Variants in FBXO47 observed in about 807,000 individuals in gnomAD.
FBXO47 encodes F-box protein 47.
Under a neutral mutation model 53.9 loss-of-function variants are expected in FBXO47, and 34 were observed. The observed-to-expected ratio is 0.63, with a 90% CI of 0.48 to 0.84. The LOEUF is 0.84. Ranked by LOEUF, FBXO47 falls within the 40% of genes least tolerant of loss-of-function variation. The probability of loss-of-function intolerance (pLI) is 0.00; values close to 1 mark genes in which losing one functional copy is unlikely to be tolerated. For missense variants in FBXO47, 485 were observed against 541.3 expected (o/e 0.90, Z 1.03); for synonymous variants, 165 against 181.6 (o/e 0.91, Z 0.73).
At chr17:38,955,958 CAAAAAAAAA>C (rs34218216) in intron 4 of FBXO47, among the ~76,000 whole-genome samples, 2 of 30,270 alleles carry the variant, frequency 6.6e-5, no homozygotes, top group African/African-American at 2.6e-4. Context: ...ACTCCATCTC[CAAAAAAAAA>C]AAAAAAAAAA....
In FBXO47 at chr17:38,939,224, C is replaced by T. The variant is rs553802055; in HGVS notation, c.1084-492G>A. Reference sequence around the variant, plus strand: ...AGGAGAATCACTTGAACTCAGGAGGCGGAGGATGCAGTGAGCGGAGATCAT... The same window carrying T: ...AGGAGAATCACTTGAACTCAGGAGGTGGAGGATGCAGTGAGCGGAGATCAT... On this transcript the variant is annotated intron_variant, in intron 9 of 10. Transcript: ENST00000378079. Among the ~76,000 whole-genome samples the T allele has an allele frequency of 2.5e-3, 315 of 128,328 alleles. 3 individuals carry two copies. Among genetic ancestry groups the T allele is most frequent in the African/African-American group, 9.1e-3 (305 of 33,430 alleles). 84.2% of individuals were successfully genotyped at this position (128,328 alleles called of 152,430 possible).
chr17:38,959,842 T>C (rs1417340203), intron 3 of FBXO47, among the ~76,000 whole-genome samples: 2 of 151,998 alleles, frequency 1.3e-5, no homozygotes, highest in Admixed American at 6.6e-5. Flanking sequence ...TTTCCTAAAA[T>C]GGCAATACAC....
At chr17:38,937,607 T>C (rs1915610467) in intron 10 of FBXO47, among the ~76,000 whole-genome samples, 1 of 152,096 alleles carries the variant, frequency 6.6e-6, no homozygotes, top group Non-Finnish European at 1.5e-5. Context: ...TCCACCCGCC[T>C]TATACGTATA....
At chr17:38,960,049 C>T (rs140922819) in intron 3 of FBXO47, among the ~76,000 whole-genome samples, 74 of 152,082 alleles carry the variant, frequency 4.9e-4, no homozygotes, top group Non-Finnish European at 8.4e-4. Flanking sequence ...TCAAGCGATC[C>T]TCCCACCTCA....
chr17:38,942,931 A>T lies in FBXO47; in HGVS notation c.941-11T>A. 6.3e-7 allele frequency: 1 copy of T among 1,595,742 alleles called. No homozygotes were observed. The highest frequency in any genetic ancestry group is 1.8e-5 in the Admixed American group (1 of 55,820). ...ACTCACGGGGAACCACTTTTATTAG[A>T]GGAAGAACAATTATTTAATGAGAAA... On this transcript the variant is annotated splice_polypyrimidine_tract_variant and intron_variant, in intron 8 of 10. Coordinates refer to ENST00000378079, the MANE Select transcript of FBXO47 (RefSeq NM_001008777.3).
At chr17:38,941,043 G>C (rs1186866178) in intron 9 of FBXO47, among the ~76,000 whole-genome samples, 2 of 151,696 alleles carry the variant, frequency 1.3e-5, no homozygotes, top group African/African-American at 4.9e-5. Context: ...AGAGTGCAGT[G>C]GTGCTATCTT....
intron 6 of FBXO47, among the ~76,000 whole-genome samples, chr17:38,946,909 T>G (rs1278081119): frequency 8.4e-6 from 1 of 119,094 alleles, no homozygotes; most frequent in Non-Finnish European, 1.6e-5. Context: ...TATATAAATA[T>G]ATATAAACAT....
At chr17:38,940,271 G>A (rs1048543394) in intron 9 of FBXO47, among the ~76,000 whole-genome samples, 4 of 151,872 alleles carry the variant, frequency 2.6e-5, no homozygotes, top group African/African-American at 9.7e-5. Context: ...GTAATTCAGA[G>A]AACTTTAATG....
In FBXO47 at chr17:38,962,837, A is replaced by G. The variant is rs1905878540; in HGVS notation, c.181+8T>C. On this transcript the variant is annotated splice_region_variant and intron_variant, in intron 2 of 10. Transcript: ENST00000378079. ...TGTGTAGGCTATTCATAAGTTCCCAAACCTCACCTGACAAATATTTTAAAA... is the reference window on the plus strand; with the variant it reads ...TGTGTAGGCTATTCATAAGTTCCCAGACCTCACCTGACAAATATTTTAAAA... 1 of 1,604,496 alleles carries G rather than the reference A, an allele frequency of 6.2e-7. No individual in the cohort carries two copies. The highest frequency in any genetic ancestry group is 1.3e-5 in the African/African-American group (1 of 74,656).
chr17:38,967,078 A>G (rs1052716961), intron 1 of FBXO47, among the ~76,000 whole-genome samples, 151 bp downstream of exon 1: 3 of 152,086 alleles, frequency 2.0e-5, no homozygotes, highest in African/African-American at 7.2e-5. Context: ...AGCTGCCCCC[A>G]AACATCTCCA....
At chr17:38,941,823 C>G (rs1231817773) in intron 9 of FBXO47, among the ~76,000 whole-genome samples, 2 of 150,960 alleles carry the variant, frequency 1.3e-5, no homozygotes, top group African/African-American at 4.9e-5. Context: ...ACAGATGTTG[C>G]CAACACACCG....
rs1325241331 is a variant in FBXO47, at chr17:38,951,518, A to G, written c.616+63T>C. 6.3e-6 allele frequency: 8 copies of G among 1,278,526 alleles called. No homozygotes were observed. The Admixed American group carries it at 1.8e-4, about 29-fold the overall frequency. 79.2% of individuals were successfully genotyped at this position (1,278,526 alleles called of 1,614,324 possible). A position where few individuals can be genotyped will look rare whatever the true frequency, so the allele number is the denominator to read the frequency against. On this transcript the variant is annotated intron_variant, in intron 6 of 10. Coordinates refer to ENST00000378079, the MANE Select transcript of FBXO47 (RefSeq NM_001008777.3). ...CCAAATTACTTTTAATTACATTTTT[A>G]AAACTCTGTTTATTTTTTCTATTTT...
intron 6 of FBXO47, among the ~76,000 whole-genome samples, chr17:38,947,079 TAAAC>T (rs1567717704): frequency 8.0e-6 from 1 of 124,864 alleles, no homozygotes; most frequent in African/African-American, 3.3e-5. Context: ...TAAACATATA[TAAAC>T]ATATATATAA....
At chr17:38,945,198 G>A (rs1252076746) in intron 6 of FBXO47, 62 bp from the exon 7 acceptor site, 82 of 1,213,416 alleles carry the variant, frequency 6.8e-5, no homozygotes, top group South Asian at 2.2e-4. Context: ...ATATTGAATA[G>A]TGATCAAAGC....
At chr17:38,966,344 G>A (rs908868139) in intron 1 of FBXO47, among the ~76,000 whole-genome samples, 2 of 152,114 alleles carry the variant, frequency 1.3e-5, no homozygotes, top group African/African-American at 2.4e-5. Flanking sequence ...TGGGATTACA[G>A]GTGCCCGCCC....
rs1567717779 is a variant in FBXO47, at chr17:38,947,119, A to AACATATATATAAATATATATATAT, written c.617-2007_617-1984dup. Among the ~76,000 whole-genome samples, 13 of 124,894 alleles carry AACATATATATAAATATATATATAT rather than the reference A, an allele frequency of 1.0e-4. No homozygotes were observed. In the South Asian group the frequency reaches 2.9e-3, roughly 28 times the overall value. The allele number at this position is 124,894 out of a possible 152,430, so 81.9% of individuals were successfully genotyped here. A position where few individuals can be genotyped will look rare whatever the true frequency, so the allele number is the denominator to read the frequency against. ...ACATATATATAAACATATATATATAAACATATATATAAATATATATATATA... is the reference window on the plus strand; with the variant it reads ...ACATATATATAAACATATATATATAAACATATATATAAATATATATATATACATATATATAAATATATATATATA... On this transcript the variant is annotated intron_variant, in intron 6 of 10. Coordinates refer to ENST00000378079, the MANE Select transcript of FBXO47 (RefSeq NM_001008777.3).
chr17:38,961,900 A>G lies in FBXO47; in HGVS notation c.329T>C (p.Ile110Thr), dbSNP rs769145743. ...ELPDRRQDSA[I>T]LEHYRSLGLL... The stretch of plus-strand genomic sequence containing the variant: ...ACCTAGAGATCTGTAGTGCTCCAGT[A>G]TAGCAGAGTCTTGTCTCCTGTCAGG... Residue 110 changes from isoleucine (I) to threonine (T), a missense_variant, in exon 3 of 11, where the codon ATA becomes ACA. Ile to Thr is a moderately conservative substitution (Grantham distance 89). Transcript: ENST00000378079. 1.2e-6 allele frequency: 2 copies of G among 1,614,012 alleles called. No homozygotes were observed. The highest frequency in any genetic ancestry group is 1.7e-6 in the Non-Finnish European group (2 of 1,179,964).
intron 9 of FBXO47, among the ~76,000 whole-genome samples, chr17:38,941,723 G>T (rs941207947): frequency 6.7e-6 from 1 of 149,292 alleles, no homozygotes; most frequent in African/African-American, 2.5e-5. Context: ...GCCCAGACTG[G>T]AGTACAGTGG....
intron 6 of FBXO47, among the ~76,000 whole-genome samples, chr17:38,947,072 AC>A (rs1904973255): frequency 6.0e-5 from 8 of 132,882 alleles, no homozygotes; most frequent in African/African-American, 2.2e-4. Flanking sequence ...ATATATATAA[AC>A]ATATATAAAC....
Sources: allele counts gnomAD v4.1 joint callset (sites outside exome capture counted in the v4.1 genomes callset), GRCh38; gene constraint gnomAD v4.1.1; transcripts MANE v1.5; gene names NCBI Gene and HGNC (gene_info 2026-07-23, HGNC 2026-07-21).